Variants in WWOX observed in about 807,000 individuals in gnomAD.
WWOX encodes the protein WW domain-containing oxidoreductase.
In WWOX, 69 loss-of-function variants were observed where a neutral mutation model predicts 46.2. The observed-to-expected ratio is 1.49, with a 90% CI of 1.23 to 1.82. WWOX has a LOEUF of 1.82. Ranked by LOEUF, WWOX falls within the 40% of genes most tolerant of loss-of-function variation. The pLI is 0.00. For missense variants in WWOX, 919 were observed against 542.6 expected (o/e 1.69, Z -6.89); for synonymous variants, 359 against 202.6 (o/e 1.77, Z -6.56).
chr16:78,429,280 A>T (rs1363175797), intron 7 of WWOX, among the ~76,000 whole-genome samples: 1 of 152,242 alleles, frequency 6.6e-6, no homozygotes, highest in East Asian at 1.9e-4. Context: ...TTGGAAGGCC[A>T]GTAATGTCAG....
At chr16:78,419,625 C>CAAAAAAAAAAAAAAAAAAAAAAAAA (rs60762734) in intron 6 of WWOX, among the ~76,000 whole-genome samples, 4 of 44,676 alleles carry the variant, frequency 9.0e-5, no homozygotes, top group African/African-American at 1.5e-4. Flanking sequence ...CAAAAAATAG[C>CAAAAAAAAAAAAAAAAAAAAAAAAA]AAAAAAAAAA....
At chr16:78,362,975 A>G (rs2081443873) in intron 5 of WWOX, among the ~76,000 whole-genome samples, 1 of 152,190 alleles carries the variant, frequency 6.6e-6, no homozygotes, top group Non-Finnish European at 1.5e-5. Context: ...TTCCTTCCCC[A>G]GCATTAGGCA....
chr16:78,791,694 A>T (rs1342339682), intron 8 of WWOX, among the ~76,000 whole-genome samples: 1 of 152,144 alleles, frequency 6.6e-6, no homozygotes, highest in East Asian at 1.9e-4. Context: ...CCTGGCCAAC[A>T]TGATGAAACC....
intron 8 of WWOX, among the ~76,000 whole-genome samples, chr16:78,603,157 G>A (rs1285463729): frequency 6.6e-6 from 1 of 152,196 alleles, no homozygotes; most frequent in Non-Finnish European, 1.5e-5. Context: ...GTGCTATGCT[G>A]TTTTATGCAC....
chr16:78,864,922 C>G (rs1316169548), intron 8 of WWOX, among the ~76,000 whole-genome samples: 1 of 151,744 alleles, frequency 6.6e-6, no homozygotes, highest in Non-Finnish European at 1.5e-5. Flanking sequence ...ACCACCACAC[C>G]TGGCTAATTT....
At chr16:78,372,801 T>A (rs1323971582) in intron 5 of WWOX, among the ~76,000 whole-genome samples, 2 of 152,338 alleles carry the variant, frequency 1.3e-5, no homozygotes, top group East Asian at 1.9e-4. Flanking sequence ...CACACCAGTC[T>A]TTCCTAGACT....
chr16:78,100,895 ACT>A (rs1403331053), intron 1 of WWOX, among the ~76,000 whole-genome samples: 1 of 151,896 alleles, frequency 6.6e-6, no homozygotes, highest in Admixed American at 6.6e-5. Flanking sequence ...ACTGTAGCCG[ACT>A]CTCAACTTTG....
intron 8 of WWOX, among the ~76,000 whole-genome samples, chr16:78,488,751 C>A (rs1192799045): frequency 6.6e-6 from 1 of 152,164 alleles, no homozygotes; most frequent in African/African-American, 2.4e-5. Flanking sequence ...GCTGGGGCAT[C>A]TGACTTCACC....
chr16:78,522,851 C>T (rs1023875251), intron 8 of WWOX, among the ~76,000 whole-genome samples: 2 of 152,186 alleles, frequency 1.3e-5, no homozygotes, highest in African/African-American at 4.8e-5. Context: ...GCAGGTGGAT[C>T]ACTCGAGGTC....
chr16:78,595,126 T>C (rs1015959202), intron 8 of WWOX, among the ~76,000 whole-genome samples: 2 of 152,144 alleles, frequency 1.3e-5, no homozygotes, highest in African/African-American at 2.4e-5. Flanking sequence ...GAAGAAGACA[T>C]TGCAAACCTG....
chr16:78,936,946 T>A (rs1263476965), intron 8 of WWOX, among the ~76,000 whole-genome samples: 2 of 152,210 alleles, frequency 1.3e-5, no homozygotes, highest in African/African-American at 4.8e-5. Flanking sequence ...CTTGTAAAGA[T>A]GCTTTTTAAA....
At chr16:78,448,526 C>G (rs530916846) in intron 8 of WWOX, among the ~76,000 whole-genome samples, 1 of 152,202 alleles carries the variant, frequency 6.6e-6, no homozygotes, top group Admixed American at 6.5e-5. Context: ...GGGTCTTATC[C>G]TGTTGGGTGT....
chr16:78,825,622 G>A (rs1030551558), intron 8 of WWOX: 17 of 521,210 alleles, frequency 3.3e-5, no homozygotes, highest in African/African-American at 1.5e-4. Context: ...CTTACTGTGC[G>A]GAGGGCCTGC....
At chr16:79,048,401 C>T (rs1041454279) in intron 8 of WWOX, among the ~76,000 whole-genome samples, 9 of 152,134 alleles carry the variant, frequency 5.9e-5, no homozygotes, top group Middle Eastern at 3.4e-3. Flanking sequence ...CTGCTTGGTT[C>T]AGCAGCAACT....
intron 5 of WWOX, among the ~76,000 whole-genome samples, chr16:78,175,032 G>T (rs8050339): frequency 0.41 from 39,588 of 96,628 alleles, 5,305 homozygotes; most frequent in Non-Finnish European, 0.42. Flanking sequence ...ATAATAATAA[G>T]AATCTGACTA....
At chr16:78,790,495 G>A (rs1259965124) in intron 8 of WWOX, among the ~76,000 whole-genome samples, 1 of 152,096 alleles carries the variant, frequency 6.6e-6, no homozygotes, top group African/African-American at 2.4e-5. Context: ...AAAGTCAGAA[G>A]GTCTACCTAC....
chr16:78,919,088 A>T (rs74032432), intron 8 of WWOX, among the ~76,000 whole-genome samples: 1 of 152,116 alleles, frequency 6.6e-6, no homozygotes, highest in Non-Finnish European at 1.5e-5. Context: ...CTCATTTCCA[A>T]TTGAAATTAA....
chr16:78,961,822 A>G (rs1027017554), intron 8 of WWOX, among the ~76,000 whole-genome samples: 2 of 152,184 alleles, frequency 1.3e-5, no homozygotes, highest in African/African-American at 4.8e-5. Context: ...ATCTTAATGC[A>G]TCTCTATTTC....
At chr16:79,124,582 C>T (rs1253521766) in intron 8 of WWOX, among the ~76,000 whole-genome samples, 1 of 152,090 alleles carries the variant, frequency 6.6e-6, no homozygotes, top group South Asian at 2.1e-4. Context: ...TGGCCCTGTC[C>T]CAGCCATAGA....
Sources: gnomAD v4.1 joint callset for allele counts (sites outside exome capture counted in the v4.1 genomes callset) on GRCh38, gnomAD v4.1.1 for gene constraint, MANE v1.5 for transcripts, NCBI Gene and HGNC (gene_info 2026-07-23, HGNC 2026-07-21) for gene names.